The following PGAP1 variants were observed in gnomAD, a reference collection of about 807,000 sequenced individuals.
The protein encoded by PGAP1 is GPI inositol-deacylase.
A neutral mutation model predicts 127.0 loss-of-function variants in PGAP1; 76 were observed. The ratio of observed to expected loss-of-function variants is 0.60; its 90% CI spans 0.50 to 0.72. The LOEUF is 0.72. Ranked by LOEUF, PGAP1 falls within the 30% of genes least tolerant of loss-of-function variation. The pLI, the probability that PGAP1 is intolerant of heterozygous loss-of-function variation, is 0.00. For missense variants in PGAP1, 982 were observed against 1,071.3 expected (o/e 0.92, Z 1.16); for synonymous variants, 362 against 366.5 (o/e 0.99, Z 0.14).
Position 196,848,014 on chromosome 2 carries a change from T to C in PGAP1, c.1885A>G (p.Met629Val), listed in dbSNP as rs778899858. The change falls in exon 21 of 27, where the codon ATG becomes GTG. Residue 629 changes from methionine to valine, a missense_variant. Met to Val is a conservative substitution (Grantham distance 21). Transcript: ENST00000354764. ...TATGGTTTGGCTTCTTTATCCAACA[T>C]GGTAGCATATTCTAAGCAACAACCT... The part of the protein sequence containing the change: ...STGCCLEYAT[M>V]LDKEAKPYKV... 4 of 1,601,418 alleles carry C rather than the reference T, an allele frequency of 2.5e-6. No homozygotes were observed. The highest frequency in any genetic ancestry group is 3.4e-6 in the Non-Finnish European group (4 of 1,175,682).
intron 19 of PGAP1, among the ~76,000 whole-genome samples, chr2:196,865,314 T>C (rs1317258589): frequency 6.6e-6 from 1 of 152,182 alleles, no homozygotes; most frequent in Admixed American, 6.5e-5. Context: ...GAGTAGCATA[T>C]ATGTCCTGAA....
intron 3 of PGAP1, 28 bp downstream of exon 3, chr2:196,916,390 A>G (rs1703009633): frequency 1.3e-6 from 2 of 1,550,772 alleles, no homozygotes; most frequent in Admixed American, 3.8e-5. Context: ...AGGTTGCACC[A>G]CTATTGATTT....
rs555987781 is a variant in PGAP1 at position 196,883,001 on chromosome 2, G to A, written c.1272+2423C>T. Among the ~76,000 whole-genome samples the A allele has an allele frequency of 8.5e-5, 13 of 152,188 alleles. No homozygotes were observed. The East Asian group carries it at 2.1e-3, about 25-fold the overall frequency. The stretch of plus-strand genomic sequence containing the variant: ...GTTGGCTGTGGGTTTGTCATTAGAT[G>A]GCTCTTATTACTTTGAGATATGTTC... On this transcript the variant is annotated intron_variant, in intron 12 of 26. Transcript: ENST00000354764.
Position 196,920,046 on chromosome 2 carries a change from C to A in PGAP1, c.252G>T (p.Thr84=). ...CAGGAAGAAAGAGAACTGGAATACC[C>A]GTCAAAGGGAGAATTTTGTGTTCTT... ...YAEEHKILPL[T]GIPVLFLPGN... Residue 84 remains threonine (T), a synonymous_variant, in exon 2 of 27, where the codon ACG becomes ACT. Coordinates refer to ENST00000354764, the MANE Select transcript of PGAP1 (RefSeq NM_024989.4). 6.2e-7 allele frequency: 1 copy of A among 1,612,920 alleles called. No individual in the cohort carries two copies. The highest frequency in any genetic ancestry group is 1.3e-5 in the African/African-American group (1 of 74,944).
intron 20 of PGAP1, among the ~76,000 whole-genome samples, chr2:196,858,958 G>A (rs540510446): frequency 7.9e-5 from 12 of 152,078 alleles, no homozygotes; most frequent in Non-Finnish European, 1.2e-4. Flanking sequence ...TAGAAGAGAC[G>A]GATAAATTCT....
Position 196,837,710 on chromosome 2 carries a change from A to T in PGAP1, c.*3524T>A, listed in dbSNP as rs1347478567. On this transcript the variant is annotated 3_prime_UTR_variant, in exon 27 of 27. Coordinates refer to ENST00000354764, the MANE Select transcript of PGAP1 (RefSeq NM_024989.4). Reference sequence around the variant, plus strand: ...GTTTGTGTGAATTTTGGAAATGAGTAGTATCACATGAATGACAAGACAACC... The same window carrying T: ...GTTTGTGTGAATTTTGGAAATGAGTTGTATCACATGAATGACAAGACAACC... 6.6e-6 allele frequency: 1 copy of T among 152,216 alleles called. No individual in the cohort carries two copies. Among genetic ancestry groups the T allele is most frequent in the Non-Finnish European group, 1.5e-5 (1 of 68,034 alleles). The allele number at this position is 152,216 out of a possible 1,614,324, so 9.4% of individuals were successfully genotyped here.
Position 196,880,101 on chromosome 2 carries a change from T to A in PGAP1, c.1325A>T (p.Tyr442Phe). Residue 442 changes from tyrosine (Y) to phenylalanine (F), a missense_variant, in exon 13 of 27, where the codon TAT becomes TTT. Transcript: ENST00000354764. ...CTTACTTCCACGAACAGATGGTACATAAACAACAAGATGAGACAAAGATGG... is the reference window on the plus strand; with the variant it reads ...CTTACTTCCACGAACAGATGGTACAAAAACAACAAGATGAGACAAAGATGG... ...DYPSLSHLVV[Y>F]VPSVRGSKFV... The A allele has an allele frequency of 6.2e-7, 1 of 1,602,200 alleles. No individual in the cohort carries two copies. The highest frequency in any genetic ancestry group is 1.1e-5 in the South Asian group (1 of 89,644).
intron 23 of PGAP1, among the ~76,000 whole-genome samples, chr2:196,845,435 T>C (rs1471037308): frequency 6.6e-6 from 1 of 151,820 alleles, no homozygotes; most frequent in East Asian, 1.9e-4. Flanking sequence ...CCTAATTATT[T>C]TTATTGTCAT....
intron 13 of PGAP1, 117 bp from the exon 14 acceptor site, chr2:196,875,938 T>A (rs902575339): frequency 4.0e-5 from 24 of 595,098 alleles, no homozygotes; most frequent in African/African-American, 5.6e-5. Flanking sequence ...GGAGAAAGTA[T>A]CATCTATTAC....
At position 196,836,201 on chromosome 2, in the gene PGAP1, T is replaced by C. The variant is rs1389667685; in HGVS notation, c.*5033A>G. Reference sequence around the variant, plus strand: ...AGTCCTATACAAAGTCTTCAGAAATTAACTGATTAATTGGTATTTCAAAAC... The same window carrying C: ...AGTCCTATACAAAGTCTTCAGAAATCAACTGATTAATTGGTATTTCAAAAC... On this transcript the variant is annotated 3_prime_UTR_variant, in exon 27 of 27. Transcript: ENST00000354764. 6.6e-6 allele frequency: 1 copy of C among 152,524 alleles called. No homozygotes were observed. Among genetic ancestry groups the C allele is most frequent in the Non-Finnish European group, 1.5e-5 (1 of 67,946 alleles). The allele number at this position is 152,524 out of a possible 1,614,324, so 9.4% of individuals were successfully genotyped here.
chr2:196,847,905 T>C (rs1700605492), intron 21 of PGAP1, 42 bp downstream of exon 21: 1 of 1,374,352 alleles, frequency 7.3e-7, no homozygotes, highest in Non-Finnish European at 9.9e-7. Flanking sequence ...ATGTTACATG[T>C]AAAACACAAT....
At chr2:196,844,935 G>T (rs1354232596) in intron 23 of PGAP1, among the ~76,000 whole-genome samples, 1 of 151,920 alleles carries the variant, frequency 6.6e-6, no homozygotes, top group African/African-American at 2.4e-5. Context: ...GTAAGTCAAA[G>T]ATTTCATTAC....
chr2:196,872,626 C>T (rs779814830), intron 17 of PGAP1, 77 bp from the exon 18 acceptor site: 241 of 988,838 alleles, frequency 2.4e-4, no homozygotes, highest in Non-Finnish European at 3.5e-4. Flanking sequence ...ATCCTCAGCA[C>T]AATACAACTG....
chr2:196,885,572 C>A (rs190462555), intron 11 of PGAP1, 97 bp from the exon 12 acceptor site: 3 of 862,890 alleles, frequency 3.5e-6, no homozygotes, highest in Non-Finnish European at 5.5e-6. Context: ...CATCTCTACA[C>A]CTAGTAGAGA....
At chr2:196,916,909 T>C (rs1437932662) in intron 2 of PGAP1, among the ~76,000 whole-genome samples, 1 of 152,196 alleles carries the variant, frequency 6.6e-6, no homozygotes, top group Non-Finnish European at 1.5e-5. Flanking sequence ...GAATAAGACA[T>C]ATAAATTTTG....
intron 10 of PGAP1, among the ~76,000 whole-genome samples, chr2:196,888,987 T>C (rs945918550): frequency 2.0e-5 from 3 of 152,220 alleles, no homozygotes; most frequent in Non-Finnish European, 2.9e-5. Context: ...AAAAAATTCA[T>C]TCTTATATTT....
chr2:196,902,505 C>G, intron 5 of PGAP1, 80 bp downstream of exon 5: 1 of 1,229,604 alleles, frequency 8.1e-7, no homozygotes, highest in Non-Finnish European at 1.1e-6. Context: ...CATTACCATG[C>G]AGCTATATAT....
intron 17 of PGAP1, 100 bp from the exon 18 acceptor site, chr2:196,872,649 G>T (rs1014940066): frequency 2.5e-6 from 2 of 787,606 alleles, no homozygotes; most frequent in African/African-American, 3.5e-5. Flanking sequence ...TAATGTAGAG[G>T]AAGCTAGGTG....
chr2:196,837,341 T>A lies in PGAP1; in HGVS notation c.*3893A>T, dbSNP rs1349042348. On this transcript the variant is annotated 3_prime_UTR_variant, in exon 27 of 27. Transcript: ENST00000354764. The stretch of plus-strand genomic sequence containing the variant: ...GAGAAGTCTGAAGAATTAAGAAAAG[T>A]ATAGGAACTAGGCCAGGTGGTCATG... 1 of 152,100 alleles carries A rather than the reference T, an allele frequency of 6.6e-6. No homozygotes were observed. Among genetic ancestry groups the A allele is most frequent in the East Asian group, 1.9e-4 (1 of 5,202 alleles). 9.4% of individuals were successfully genotyped at this position (152,100 alleles called of 1,614,324 possible).
Sources: gnomAD v4.1 joint callset for allele counts (sites outside exome capture counted in the v4.1 genomes callset) on GRCh38, gnomAD v4.1.1 for gene constraint, MANE v1.5 for transcripts, NCBI Gene and HGNC (gene_info 2026-07-23, HGNC 2026-07-21) for gene names.